MINDY4: variants seen among roughly 807,000 people sequenced by gnomAD.
The protein encoded by MINDY4 is probable ubiquitin carboxyl-terminal hydrolase MINDY-4.
Under a neutral mutation model 87.0 loss-of-function variants are expected in MINDY4, and 68 were observed. The observed-to-expected ratio is 0.78, with a 90% confidence interval of 0.64 to 0.96. The LOEUF is 0.96. Ranked by LOEUF, MINDY4 falls within the 40% of genes least tolerant of loss-of-function variation. MINDY4 has a pLI of 0.00. For synonymous variants in MINDY4, 379 were observed against 363.2 expected (o/e 1.04, Z -0.50); for missense variants, 919 against 928.2 (o/e 0.99, Z 0.13).
intron 5 of MINDY4, among the ~76,000 whole-genome samples, chr7:30,812,335 G>A (rs1024696836): frequency 1.3e-5 from 2 of 151,652 alleles, no homozygotes; most frequent in Non-Finnish European, 2.9e-5. Context: ...TTAACAATTT[G>A]TCACTATAAG....
In MINDY4 at chr7:30,791,407, C is replaced by G. The variant is rs774263848; in HGVS notation, c.906C>G (p.Asp302Glu). 6 of 1,614,012 alleles carry G rather than the reference C, an allele frequency of 3.7e-6. No individual in the cohort carries two copies. In the East Asian group the frequency reaches 8.9e-5, roughly 24 times the overall value. The change falls in exon 5 of 18, where the codon GAC (aspartate) becomes GAG (glutamate). Residue 302 changes from aspartate (D) to glutamate (E), a missense_variant. By Grantham distance (45) the Asp-to-Glu change is conservative. Transcript: ENST00000265299. Reference sequence around the variant, plus strand: ...CCAGCAAACGGCTGCCCCCATGGGACAGGGCCAGGCCGAGGGATCCCTCCG... The same window carrying G: ...CCAGCAAACGGCTGCCCCCATGGGAGAGGGCCAGGCCGAGGGATCCCTCCG... ...HLPSKRLPPW[D>E]RARPRDPSED...
Position 30,785,811 on chromosome 7 carries a change from A to C in MINDY4, c.482A>C (p.Lys161Thr), listed in dbSNP as rs1200094177. ...NFVSSKRPPH[K>T]SKPMQTVPGE... Reference sequence around the variant, plus strand: ...GTATCATCTAAAAGGCCCCCGCACAAAAGTAAGCCCATGCAGACGGTCCCG... The same window carrying C: ...GTATCATCTAAAAGGCCCCCGCACACAAGTAAGCCCATGCAGACGGTCCCG... The change falls in exon 4 of 18, where the codon AAA (lysine) becomes ACA (threonine). Residue 161 changes from lysine (K) to threonine (T), a missense_variant. Coordinates refer to ENST00000265299, the MANE Select transcript of MINDY4 (RefSeq NM_032222.3). 7 of 1,614,218 alleles carry C rather than the reference A, an allele frequency of 4.3e-6. No individual in the cohort carries two copies. In the South Asian group the frequency reaches 7.7e-5, roughly 18 times the overall value.
chr7:30,860,894 C>T (rs1326385038), intron 13 of MINDY4, among the ~76,000 whole-genome samples: 1 of 152,158 alleles, frequency 6.6e-6, no homozygotes, highest in Non-Finnish European at 1.5e-5. Flanking sequence ...GCTGGACCTT[C>T]ACAGCCTCAT....
At chr7:30,829,245 T>C (rs1788621949) in intron 6 of MINDY4, among the ~76,000 whole-genome samples, 1 of 152,214 alleles carries the variant, frequency 6.6e-6, no homozygotes, top group South Asian at 2.1e-4. Flanking sequence ...AAGATCAATA[T>C]AGAGCACATT....
intron 9 of MINDY4, among the ~76,000 whole-genome samples, chr7:30,842,093 A>C (rs1180986576): frequency 6.6e-6 from 1 of 152,222 alleles, no homozygotes; most frequent in South Asian, 2.1e-4. Flanking sequence ...GTGGCTTTTC[A>C]TGCTTGGCAT....
intron 14 of MINDY4, among the ~76,000 whole-genome samples, chr7:30,874,584 G>A (rs559264434): frequency 2.0e-5 from 3 of 152,314 alleles, no homozygotes; most frequent in South Asian, 4.2e-4. Context: ...CAAGTTCCAG[G>A]GTTGGCATGC....
chr7:30,824,043 A>G (rs907826670), intron 5 of MINDY4, among the ~76,000 whole-genome samples: 5 of 152,198 alleles, frequency 3.3e-5, no homozygotes, highest in Non-Finnish European at 5.9e-5. Context: ...TATTTCATCA[A>G]ATATATAGCA....
intron 4 of MINDY4, among the ~76,000 whole-genome samples, chr7:30,789,615 T>A (rs1045038871): frequency 2.0e-5 from 3 of 152,252 alleles, no homozygotes; most frequent in Non-Finnish European, 4.4e-5. Flanking sequence ...TTCCTCACTT[T>A]GTGGAGGGGA....
chr7:30,883,148 C>G (rs1012722825), intron 17 of MINDY4, among the ~76,000 whole-genome samples, 155 bp downstream of exon 17: 17 of 152,174 alleles, frequency 1.1e-4, no homozygotes, highest in African/African-American at 3.6e-4. Context: ...TTTCTCCACT[C>G]GTGGTCACTG....
At chr7:30,828,454 T>G (rs1788586851) in intron 5 of MINDY4, among the ~76,000 whole-genome samples, 1 of 152,128 alleles carries the variant, frequency 6.6e-6, no homozygotes, top group African/African-American at 2.4e-5. Context: ...TGTATGAGTC[T>G]CTTTGTGAGA....
chr7:30,879,508 A>G (rs1790393545), intron 15 of MINDY4, among the ~76,000 whole-genome samples: 1 of 152,054 alleles, frequency 6.6e-6, no homozygotes, highest in Non-Finnish European at 1.5e-5. Flanking sequence ...ACCACCCCCA[A>G]TGCCCTGCCA....
chr7:30,785,300 A>C (rs553811731), intron 3 of MINDY4, among the ~76,000 whole-genome samples: 41 of 122,112 alleles, frequency 3.4e-4, no homozygotes, highest in African/African-American at 2.9e-4. Flanking sequence ...ACACACACAC[A>C]CCCATTGGCA....
intron 9 of MINDY4, 56 bp downstream of exon 9, chr7:30,840,904 TC>T: frequency 6.6e-7 from 1 of 1,505,688 alleles, no homozygotes; most frequent in Non-Finnish European, 9.2e-7. Context: ...CCCCAGAGTG[TC>T]CAGAAAAAAC....
intron 12 of MINDY4, among the ~76,000 whole-genome samples, chr7:30,854,285 CAG>C (rs1789505810): frequency 6.6e-6 from 1 of 152,222 alleles, no homozygotes. Context: ...GTGCCTGCCT[CAG>C]AGCATCGCGC....
chr7:30,771,473 G>T lies in MINDY4; in HGVS notation c.-21G>T. 1 of 1,597,896 alleles carries T rather than the reference G, an allele frequency of 6.3e-7. No homozygotes were observed. The highest frequency in any genetic ancestry group is 8.5e-7 in the Non-Finnish European group (1 of 1,173,860). Reference sequence around the variant, plus strand: ...GCTGCGGCCCGGCGTGGGCCTCGTGGGCAGAGCCAGAGCCAGAGCCATGGA... The same window carrying T: ...GCTGCGGCCCGGCGTGGGCCTCGTGTGCAGAGCCAGAGCCAGAGCCATGGA... On this transcript the variant is annotated 5_prime_UTR_variant, in exon 1 of 18. Transcript: ENST00000265299.
rs1249001654 is a variant in MINDY4, at chr7:30,871,036, T to TGTGTGTACCCCCCTGGGTC, written c.1746-1194_1746-1176dup. On this transcript the variant is annotated intron_variant, in intron 13 of 17. Transcript: ENST00000265299. ...CCAGGGCCGTGTGTGCCCCCAGGGT[T>TGTGTGTACCCCCCTGGGTC]GTGTGTACCCCCCTGGGTCGTGTGT... Among the ~76,000 whole-genome samples, 3 of 151,016 alleles carry TGTGTGTACCCCCCTGGGTC rather than the reference T, an allele frequency of 2.0e-5. No individual in the cohort carries two copies. The South Asian group carries it at 6.3e-4, about 32-fold the overall frequency.
At chr7:30,804,355 G>A (rs1289199068) in intron 5 of MINDY4, among the ~76,000 whole-genome samples, 1 of 152,298 alleles carries the variant, frequency 6.6e-6, no homozygotes, top group Non-Finnish European at 1.5e-5. Context: ...CAGAAGTGGG[G>A]CCTTTTCCCA....
intron 17 of MINDY4, 61 bp from the exon 18 acceptor site, chr7:30,891,896 G>C (rs978801149): frequency 6.5e-7 from 1 of 1,546,956 alleles, no homozygotes; most frequent in African/African-American, 1.4e-5. Flanking sequence ...CAAGAGATGG[G>C]CTCTCATCTG....
chr7:30,876,327 C>T lies in MINDY4; in HGVS notation c.1971+671C>T, dbSNP rs138234355. 3.9e-5 allele frequency among the ~76,000 whole-genome samples: 6 copies of T among 152,288 alleles called. No individual in the cohort carries two copies. The East Asian group carries it at 7.7e-4, about 20-fold the overall frequency. ...CAGTCATATTGGATTAAGGGCCCACCGTACTCCAGTATGACCTCGTCTTAA... is the reference window on the plus strand; with the variant it reads ...CAGTCATATTGGATTAAGGGCCCACTGTACTCCAGTATGACCTCGTCTTAA... On this transcript the variant is annotated intron_variant, in intron 15 of 17. Transcript: ENST00000265299.
Sources: gnomAD v4.1 joint callset for allele counts (sites outside exome capture counted in the v4.1 genomes callset) on GRCh38, gnomAD v4.1.1 for gene constraint, MANE v1.5 for transcripts, NCBI Gene and HGNC (gene_info 2026-07-23, HGNC 2026-07-21) for gene names.